Variants in ADGRB3 observed in about 807,000 individuals in gnomAD.
The protein encoded by ADGRB3 is brain-specific angiogenesis inhibitor 3.
Under a neutral mutation model 193.4 loss-of-function variants are expected in ADGRB3, and 37 were observed. The observed-to-expected ratio is 0.19, with a 90% CI of 0.15 to 0.25. ADGRB3 has a LOEUF of 0.25. Among genes scored for constraint, ADGRB3 ranks in the 10% least tolerant of loss-of-function variants. The pLI is 1.00. For missense variants in ADGRB3, 1,637 were observed against 1,852.9 expected, an observed-to-expected ratio of 0.88 and a Z score of 2.14; for synonymous variants, 690 against 644.2, an observed-to-expected ratio of 1.07 and a Z score of -1.08.
Position 69,296,466 on chromosome 6 carries a change from A to G in ADGRB3, c.2815-28406A>G, listed in dbSNP as rs559114346. Among the ~76,000 whole-genome samples, 5 of 152,222 alleles carry G rather than the reference A, an allele frequency of 3.3e-5. No individual in the cohort carries two copies. In the East Asian group the frequency reaches 9.7e-4, roughly 29 times the overall value. ...GCAATATTTTTCTAGTGTTAATATG[A>G]ATTGATGTCTTCCTTAGAAATAATT... On this transcript the variant is annotated intron_variant, in intron 20 of 31. Transcript: ENST00000370598.
At chr6:69,000,663 G>C (rs969435883) in intron 11 of ADGRB3, among the ~76,000 whole-genome samples, 1 of 152,086 alleles carries the variant, frequency 6.6e-6, no homozygotes, top group Non-Finnish European at 1.5e-5. Context: ...ATAATATAAG[G>C]GTTAAAACAA....
intron 3 of ADGRB3, among the ~76,000 whole-genome samples, chr6:68,907,081 C>A (rs184571289): frequency 1.3e-5 from 2 of 152,014 alleles, no homozygotes; most frequent in East Asian, 3.9e-4. Context: ...CTGAAGCACT[C>A]AGCAGCATCT....
intron 2 of ADGRB3, 101 bp from the exon 3 acceptor site, chr6:68,638,560 C>T (rs1768006700): frequency 2.4e-6 from 3 of 1,227,878 alleles, no homozygotes; most frequent in Non-Finnish European, 3.3e-6. Flanking sequence ...GGGCTTTTTA[C>T]TGAAATCTTG....
At chr6:69,016,321 C>T (rs1421131949) in intron 12 of ADGRB3, among the ~76,000 whole-genome samples, 2 of 151,904 alleles carry the variant, frequency 1.3e-5, no homozygotes, top group Non-Finnish European at 2.9e-5. Flanking sequence ...AAAAAAAACA[C>T]ATTCATTATT....
chr6:68,669,642 G>GTC (rs1160683790), intron 3 of ADGRB3, among the ~76,000 whole-genome samples: 4 of 149,674 alleles, frequency 2.7e-5, no homozygotes, highest in African/African-American at 1.0e-4. Context: ...GTGTGTGTGT[G>GTC]TGTGTGTGTA....
chr6:69,288,520 C>A (rs1377776393), intron 20 of ADGRB3, among the ~76,000 whole-genome samples: 1 of 152,178 alleles, frequency 6.6e-6, no homozygotes, highest in African/African-American at 2.4e-5. Context: ...GAAATTGAAA[C>A]ATTTTTCTGT....
intron 17 of ADGRB3, among the ~76,000 whole-genome samples, chr6:69,106,659 A>T (rs971159840): frequency 6.6e-6 from 1 of 152,246 alleles, no homozygotes; most frequent in Non-Finnish European, 1.5e-5. Context: ...GCTTTATAGT[A>T]AAGCCTGAAA....
chr6:69,361,487 C>T lies in ADGRB3; in HGVS notation c.4214C>T (p.Ser1405Leu), dbSNP rs1488076344. ...NAGLSRSETGSTISMSSLERR... is the reference protein window; with the variant it reads ...NAGLSRSETGLTISMSSLERR... ...GGACTATCAAGAAGTGAAACTGGAT[C>T]AACGATATCAATGAGTTCTTTAGAG... The change falls in exon 29 of 32, where the codon TCA (serine) becomes TTA (leucine). Residue 1405 changes from serine (S) to leucine (L), a missense_variant. By Grantham distance (145) the Ser-to-Leu change is moderately radical. Around this residue, in one of 7 missense-constraint regions of ADGRB3, gnomAD observed 368 missense variants for 367.4 expected, o/e 1.00. Transcript: ENST00000370598. 1 of 1,612,222 alleles carries T rather than the reference C, an allele frequency of 6.2e-7. No homozygotes were observed. Among genetic ancestry groups the T allele is most frequent in the Non-Finnish European group, 8.5e-7 (1 of 1,178,816 alleles).
intron 3 of ADGRB3, among the ~76,000 whole-genome samples, chr6:68,790,778 AC>A (rs1253198667): frequency 1.3e-5 from 2 of 152,026 alleles, no homozygotes; most frequent in East Asian, 3.9e-4. Context: ...CACACCAAAA[AC>A]CCATCTGTAC....
At chr6:69,040,773 T>C (rs543037395) in intron 13 of ADGRB3, among the ~76,000 whole-genome samples, 1 of 144,410 alleles carries the variant, frequency 6.9e-6, no homozygotes, top group South Asian at 2.3e-4. Flanking sequence ...ATTTCTATGC[T>C]AAAAGGAATA....
chr6:68,705,836 A>G (rs1350467328), intron 3 of ADGRB3, among the ~76,000 whole-genome samples: 1 of 152,214 alleles, frequency 6.6e-6, no homozygotes, highest in Non-Finnish European at 1.5e-5. Context: ...GAGAAGTTAC[A>G]TCCAGACAGA....
At chr6:68,820,221 A>G (rs1423880441) in intron 3 of ADGRB3, among the ~76,000 whole-genome samples, 1 of 151,758 alleles carries the variant, frequency 6.6e-6, no homozygotes, top group Non-Finnish European at 1.5e-5. Context: ...CTCTTTACAA[A>G]ACTCTCCTTC....
At chr6:69,366,695 A>G (rs1300162523) in intron 29 of ADGRB3, among the ~76,000 whole-genome samples, 1 of 152,094 alleles carries the variant, frequency 6.6e-6, no homozygotes, top group Non-Finnish European at 1.5e-5. Context: ...CCTGTTCATA[A>G]TGGTTTTCGT....
rs1195476118 is a variant in ADGRB3, at chr6:69,063,091, C to T, written c.2436+55C>T. 59 of 1,335,222 alleles carry T rather than the reference C, an allele frequency of 4.4e-5. No homozygotes were observed. The Middle Eastern group carries it at 7.3e-4, about 16-fold the overall frequency. 82.7% of individuals were successfully genotyped at this position (1,335,222 alleles called of 1,614,324 possible). On this transcript the variant is annotated intron_variant, in intron 16 of 31. Transcript: ENST00000370598. ...CTTATGGAATTACCTTTCTAACAGTCATTCTTTCAACTGATAACACCAGAA... is the reference window on the plus strand; with the variant it reads ...CTTATGGAATTACCTTTCTAACAGTTATTCTTTCAACTGATAACACCAGAA...
intron 3 of ADGRB3, among the ~76,000 whole-genome samples, chr6:68,700,166 A>G (rs982642836): frequency 3.3e-5 from 5 of 152,168 alleles, no homozygotes; most frequent in African/African-American, 1.2e-4. Flanking sequence ...TCAGGTGCCT[A>G]GGTGGACCAG....
intron 20 of ADGRB3, among the ~76,000 whole-genome samples, chr6:69,303,532 A>G (rs1299235607): frequency 6.6e-6 from 1 of 151,850 alleles, no homozygotes; most frequent in Non-Finnish European, 1.5e-5. Flanking sequence ...AAGTAAAGCC[A>G]TCTTGGTCAC....
chr6:68,867,735 C>T (rs544100959), intron 3 of ADGRB3, among the ~76,000 whole-genome samples: 23 of 152,278 alleles, frequency 1.5e-4, no homozygotes, highest in African/African-American at 3.4e-4. Context: ...TCTTTGTATC[C>T]GCATGTCCTG....
Position 68,955,752 on chromosome 6 carries a change from G to A in ADGRB3, c.1196-272G>A, listed in dbSNP as rs555289753. ...GGTTGTAGTCAGCTGGGATCATGCC[G>A]TTACACTCCAGCCTGGACAACAGAG... On this transcript the variant is annotated intron_variant, in intron 6 of 31. Transcript: ENST00000370598. Among the ~76,000 whole-genome samples the A allele has an allele frequency of 8.8e-4, 133 of 151,310 alleles. 1 individual carries two copies. The highest frequency in any genetic ancestry group is 3.0e-3 in the African/African-American group (122 of 41,244).
intron 3 of ADGRB3, among the ~76,000 whole-genome samples, chr6:68,646,346 G>A (rs1218527235): frequency 6.6e-6 from 1 of 151,666 alleles, no homozygotes; most frequent in East Asian, 2.0e-4. Context: ...GCGTGGTGGG[G>A]CATGCCTGCA....
Sources: allele counts gnomAD v4.1 joint callset (sites outside exome capture counted in the v4.1 genomes callset), GRCh38; gene constraint gnomAD v4.1.1; regional missense constraint gnomAD v4.1.1; transcripts MANE v1.5; gene names NCBI Gene and HGNC (gene_info 2026-07-23, HGNC 2026-07-21).